The following IVD variants were observed in gnomAD, a reference collection of about 807,000 sequenced individuals.
The protein encoded by IVD is isovaleryl-CoA dehydrogenase, mitochondrial.
A neutral mutation model predicts 51.3 loss-of-function variants in IVD; 31 were observed. The ratio of observed to expected loss-of-function variants is 0.60; its 90% CI spans 0.45 to 0.81. The LOEUF is 0.81. Among genes scored for constraint, IVD ranks in the 40% least tolerant of loss-of-function variants. The pLI, the probability that IVD is intolerant of heterozygous loss-of-function variation, is 0.00. For synonymous variants in IVD, 205 were observed against 219.4 expected (o/e 0.93, Z 0.58); for missense variants, 475 against 552.0 (o/e 0.86, Z 1.40).
At chr15:40,406,864 CTT>C (rs920097308) in intron 1 of IVD, among the ~76,000 whole-genome samples, 24 of 138,738 alleles carry the variant, frequency 1.7e-4, no homozygotes, top group Admixed American at 1.4e-4. Context: ...TTTCTTTTTT[CTT>C]TTTTTTTTTT....
At position 40,420,876 on chromosome 15, in the gene IVD, T is replaced by G. The variant is rs1892236840; in HGVS notation, c.*2613T>G. 1.0e-6 allele frequency: 1 copy of G among 985,520 alleles called. No individual in the cohort carries two copies. Among genetic ancestry groups the G allele is most frequent in the East Asian group, 1.1e-4 (1 of 8,822 alleles). 61.0% of individuals were successfully genotyped at this position (985,520 alleles called of 1,614,324 possible). ...ATCTGAGAAGGGAATGGGTCTGGGT[T>G]GTTCCACCCCTTCCGAGTTCCAAAA... On this transcript the variant is annotated 3_prime_UTR_variant, in exon 12 of 12. Coordinates refer to ENST00000487418, the MANE Select transcript of IVD (RefSeq NM_002225.5).
Position 40,410,761 on chromosome 15 carries a change from T to C in IVD, c.420T>C (p.Asn140=), listed in dbSNP as rs1890984701. ...TCTGCATCAACCAGCTTGTACGCAA[T>C]GGGAATGAGGCCCAGAAAGAGAAGT... The part of the protein sequence containing the change: ...SNLCINQLVR[N]GNEAQKEKYL... The change falls in exon 4 of 12, where the codon AAT becomes AAC. Residue 140 remains asparagine, a synonymous_variant. Coordinates refer to ENST00000487418, the MANE Select transcript of IVD (RefSeq NM_002225.5). 1 of 1,613,978 alleles carries C rather than the reference T, an allele frequency of 6.2e-7. No individual in the cohort carries two copies. Among genetic ancestry groups the C allele is most frequent in the South Asian group, 1.1e-5 (1 of 91,078 alleles).
chr15:40,427,577 T>C (rs1319780673), downstream of IVD, among the ~76,000 whole-genome samples: 1 of 152,186 alleles, frequency 6.6e-6, no homozygotes, highest in African/African-American at 2.4e-5. Flanking sequence ...CAAAATCCCT[T>C]AGTTCATACT....
rs770075053 is a variant in IVD at position 40,407,919 on chromosome 15, C to T, written c.235-20C>T. The T allele has an allele frequency of 9.3e-6, 15 of 1,613,698 alleles. No homozygotes were observed. Among genetic ancestry groups the T allele is most frequent in the Non-Finnish European group, 1.1e-5 (13 of 1,179,760 alleles). On this transcript the variant is annotated intron_variant, in intron 2 of 11. Coordinates refer to ENST00000487418, the MANE Select transcript of IVD (RefSeq NM_002225.5). ...CCTTCCCCTCAACACTTATTCCACT[C>T]TGCTCCATTCTGTTGGCAGGAATTT...
At position 40,418,258 on chromosome 15, in the gene IVD, C is replaced by G. The variant is rs1414261080; in HGVS notation, c.1267C>G (p.His423Asp). 9 of 1,614,106 alleles carry G rather than the reference C, an allele frequency of 5.6e-6. No individual in the cohort carries two copies. The Middle Eastern group carries it at 4.9e-4, about 89-fold the overall frequency. ...CGGCAGAGCCTTCAATGCAGACTTT[C>G]ACTAGTCCTGAGACCCTTCGCCCCC... ...VIGRAFNADF[H>D] The change falls in exon 12 of 12, where the codon CAC becomes GAC. Residue 423 changes from histidine (H) to aspartate (D), a missense_variant. By Grantham distance (81) the His-to-Asp change is moderately conservative (BLOSUM62 -1). Coordinates refer to ENST00000487418, the MANE Select transcript of IVD (RefSeq NM_002225.5).
At position 40,420,227 on chromosome 15, in the gene IVD, C is replaced by G. The variant is rs2141386518; in HGVS notation, c.*1964C>G. 1.0e-6 allele frequency: 1 copy of G among 986,910 alleles called. No individual in the cohort carries two copies. Among genetic ancestry groups the G allele is most frequent in the East Asian group, 1.1e-4 (1 of 8,820 alleles). The allele number at this position is 986,910 out of a possible 1,614,324, so 61.1% of individuals were successfully genotyped here. On this transcript the variant is annotated 3_prime_UTR_variant, in exon 12 of 12. Transcript: ENST00000487418. ...TCCTCCTGTACAGCACCTCTGAGCC[C>G]TTGTGCACCGCCCTGCCACGGGCAC...
intron 6 of IVD, chr15:40,412,464 T>C: frequency 5.4e-6 from 1 of 184,582 alleles, no homozygotes; most frequent in Non-Finnish European, 1.1e-5. Context: ...CTGGCTGAGA[T>C]TGGAAATCTC....
intron 7 of IVD, 186 bp downstream of exon 7, chr15:40,413,273 G>A: frequency 1.5e-6 from 1 of 648,954 alleles, no homozygotes; most frequent in Non-Finnish European, 2.8e-6. Flanking sequence ...CCCTGCAGCG[G>A]CATGCCTAAC....
intron 11 of IVD, 21 bp downstream of exon 11, chr15:40,416,383 A>G: frequency 6.2e-7 from 1 of 1,610,634 alleles, no homozygotes; most frequent in Non-Finnish European, 8.5e-7. Context: ...CCCACTTCCC[A>G]GTCCCGGGGC....
intron 7 of IVD, among the ~76,000 whole-genome samples, chr15:40,431,719 A>G (rs1892987965): frequency 6.6e-6 from 1 of 152,060 alleles, no homozygotes; most frequent in African/African-American, 2.4e-5. Flanking sequence ...GATTATGTGT[A>G]AAGAGCTTAA....
In IVD at chr15:40,418,688, C is replaced by T. The variant is rs1416639726; in HGVS notation, c.*425C>T. On this transcript the variant is annotated 3_prime_UTR_variant, in exon 12 of 12. Transcript: ENST00000487418. ...GCTCTGGCAAGGAGATCTCTCTGCT[C>T]AAGCACAGCAGAATCATGGCCCCTC... 8.8e-7 allele frequency: 1 copy of T among 1,134,872 alleles called. No individual in the cohort carries two copies. Among genetic ancestry groups the T allele is most frequent in the African/African-American group, 1.6e-5 (1 of 61,714 alleles). The allele number at this position is 1,134,872 out of a possible 1,614,324, so 70.3% of individuals were successfully genotyped here. A position where few individuals can be genotyped will look rare whatever the true frequency, so the allele number is the denominator to read the frequency against.
At chr15:40,408,031 T>G in intron 3 of IVD, 41 bp downstream of exon 3, 1 of 1,573,016 alleles carries the variant, frequency 6.4e-7, no homozygotes, top group Non-Finnish European at 8.8e-7. Context: ...TTTTCTTATG[T>G]GCCCTTTAAG....
At chr15:40,421,453 C>T (rs2141393877), downstream of IVD, 2 of 964,576 alleles carry the variant, frequency 2.1e-6, no homozygotes, top group African/African-American at 3.5e-5. Flanking sequence ...TCTTACTCCA[C>T]TCCAATTTTA....
intron 3 of IVD, 103 bp from the exon 4 acceptor site, chr15:40,410,525 C>T: frequency 7.6e-7 from 1 of 1,324,172 alleles, no homozygotes; most frequent in South Asian, 1.2e-5. Flanking sequence ...GGAGTAGGTG[C>T]TACAAGGTGC....
At chr15:40,416,960 G>A (rs1234235527) in intron 11 of IVD, among the ~76,000 whole-genome samples, 1 of 151,988 alleles carries the variant, frequency 6.6e-6, no homozygotes, top group East Asian at 1.9e-4. Flanking sequence ...AACACTTTAG[G>A]AGACTGAGGC....
At chr15:40,409,875 C>T (rs944755445) in intron 3 of IVD, among the ~76,000 whole-genome samples, 2 of 143,838 alleles carry the variant, frequency 1.4e-5, no homozygotes, top group African/African-American at 2.6e-5. Flanking sequence ...CTCACTCTGT[C>T]GCCCAGGCTG....
chr15:40,414,858 C>T (rs746878403), intron 7 of IVD, 31 bp from the exon 8 acceptor site: 1 of 1,613,434 alleles, frequency 6.2e-7, no homozygotes, highest in East Asian at 2.2e-5. Context: ...GTGGACAGCT[C>T]TCTCCCTCTG....
At chr15:40,412,348 C>T (rs567108555) in intron 6 of IVD, among the ~76,000 whole-genome samples, 5 of 152,090 alleles carry the variant, frequency 3.3e-5, no homozygotes, top group Admixed American at 6.5e-5. Flanking sequence ...GCTGGGGCCA[C>T]GAGTGGGGGA....
chr15:40,412,886 A>AG, intron 6 of IVD, 105 bp from the exon 7 acceptor site: 1 of 838,662 alleles, frequency 1.2e-6, no homozygotes, highest in Non-Finnish European at 2.0e-6. Context: ...GTGCAGGTAC[A>AG]GGGACTCAAT....
Sources: gnomAD v4.1 joint callset for allele counts (sites outside exome capture counted in the v4.1 genomes callset) on GRCh38, gnomAD v4.1.1 for gene constraint, MANE v1.5 for transcripts, NCBI Gene and HGNC (gene_info 2026-07-23, HGNC 2026-07-21) for gene names.